The following DCDC1 variants were observed in gnomAD, a reference collection of about 807,000 sequenced individuals.
DCDC1 encodes doublecortin domain containing 1.
Under a neutral mutation model 178.3 loss-of-function variants are expected in DCDC1, and 200 were observed. That is an observed-to-expected ratio of 1.12 (90% CI 1.00 to 1.26). The LOEUF (loss-of-function observed/expected upper bound fraction) is 1.26. Ranked by LOEUF, DCDC1 falls within the 50% of genes most tolerant of loss-of-function variation. The probability of loss-of-function intolerance (pLI) is 0.00; values close to 1 mark genes in which losing one functional copy is unlikely to be tolerated. For missense variants in DCDC1, 1,983 were observed against 1,749.2 expected, an observed-to-expected ratio of 1.13 and a Z score of -2.38; for synonymous variants, 690 against 604.8, an observed-to-expected ratio of 1.14 and a Z score of -2.07.
In DCDC1 at chr11:31,342,002, T is replaced by C. The variant is rs1950577406; in HGVS notation, c.-124-6438A>G. ...AGGTGATGGATGCCAATGAGATCAG[T>C]AATGGTGATGTGGGTCAGCAAGAAG... On this transcript the variant is annotated intron_variant, in intron 1 of 38. Transcript: ENST00000684477. 2.6e-5 allele frequency among the ~76,000 whole-genome samples: 4 copies of C among 152,064 alleles called. No individual in the cohort carries two copies. In the South Asian group the frequency reaches 8.3e-4, roughly 31 times the overall value.
At chr11:30,891,702 T>C (rs1943792581) in intron 36 of DCDC1, among the ~76,000 whole-genome samples, 1 of 152,246 alleles carries the variant, frequency 6.6e-6, no homozygotes. Flanking sequence ...CTTTCCTTTT[T>C]TCCCTACATG....
intron 18 of DCDC1, among the ~76,000 whole-genome samples, chr11:31,071,111 T>C (rs1329911384): frequency 2.0e-5 from 3 of 152,208 alleles, no homozygotes; most frequent in Non-Finnish European, 4.4e-5. Flanking sequence ...TACATGTTTA[T>C]GTACAACGTA....
At chr11:31,158,558 C>T (rs925015798) in intron 9 of DCDC1, among the ~76,000 whole-genome samples, 1 of 152,174 alleles carries the variant, frequency 6.6e-6, no homozygotes, top group African/African-American at 2.4e-5. Flanking sequence ...GCAACCATCA[C>T]TCTACTCTCT....
intron 9 of DCDC1, among the ~76,000 whole-genome samples, chr11:31,182,633 C>T (rs1186935066): frequency 6.6e-6 from 1 of 152,100 alleles, no homozygotes; most frequent in African/African-American, 2.4e-5. Flanking sequence ...ACAGTACCAG[C>T]CACTGCAAAA....
intron 20 of DCDC1, among the ~76,000 whole-genome samples, chr11:31,028,079 T>C (rs1302410846): frequency 6.6e-6 from 1 of 151,902 alleles, no homozygotes; most frequent in East Asian, 1.9e-4. Flanking sequence ...AATGCAATGA[T>C]ATATAGTCTG....
chr11:31,244,500 T>C (rs923914389), intron 8 of DCDC1, among the ~76,000 whole-genome samples: 1 of 151,806 alleles, frequency 6.6e-6, no homozygotes, highest in Admixed American at 6.6e-5. Context: ...TATTGACTCA[T>C]TCAAGAAAGT....
intron 1 of DCDC1, among the ~76,000 whole-genome samples, chr11:31,357,219 C>T (rs936281820): frequency 6.6e-6 from 1 of 152,020 alleles, no homozygotes; most frequent in East Asian, 1.9e-4. Flanking sequence ...TCCAGCAGCA[C>T]ATCAAAAAGC....
intron 11 of DCDC1, among the ~76,000 whole-genome samples, chr11:31,126,485 G>C (rs1008391534): frequency 6.6e-6 from 1 of 152,012 alleles, no homozygotes; most frequent in Admixed American, 6.6e-5. Context: ...AAATACACAC[G>C]GGAATGTCAT....
chr11:31,082,456 T>C (rs1052963133), intron 17 of DCDC1, among the ~76,000 whole-genome samples: 5 of 152,126 alleles, frequency 3.3e-5, no homozygotes, highest in Admixed American at 3.3e-4. Flanking sequence ...CTGAGAATGA[T>C]CTGCCCTGGG....
chr11:31,123,170 G>A (rs1961060756), intron 11 of DCDC1, among the ~76,000 whole-genome samples: 1 of 151,926 alleles, frequency 6.6e-6, no homozygotes, highest in South Asian at 2.1e-4. Flanking sequence ...CTCATTTATA[G>A]TATTTGCCAA....
At chr11:31,192,747 T>C (rs879571813) in intron 9 of DCDC1, among the ~76,000 whole-genome samples, 3 of 152,094 alleles carry the variant, frequency 2.0e-5, no homozygotes, top group Admixed American at 6.6e-5. Flanking sequence ...TTAGTTTTTA[T>C]GTGTCCACTT....
chr11:31,044,175 A>G (rs1954664645), intron 20 of DCDC1, among the ~76,000 whole-genome samples: 1 of 152,276 alleles, frequency 6.6e-6, no homozygotes, highest in Admixed American at 6.5e-5. Flanking sequence ...GAAAAGTCAC[A>G]GAGATTTAAA....
chr11:31,211,596 G>A (rs921184587), intron 9 of DCDC1, among the ~76,000 whole-genome samples: 2 of 152,138 alleles, frequency 1.3e-5, no homozygotes, highest in South Asian at 4.2e-4. Flanking sequence ...TCTTTAATCG[G>A]AAAAAATCCA....
At chr11:31,341,033 T>C (rs547103946) in intron 1 of DCDC1, among the ~76,000 whole-genome samples, 108 of 152,244 alleles carry the variant, frequency 7.1e-4, no homozygotes, top group African/African-American at 2.6e-3. Context: ...GTAAGAGATG[T>C]CCAACATGAA....
At chr11:31,364,776 G>A (rs973389967) in intron 1 of DCDC1, among the ~76,000 whole-genome samples, 1 of 151,436 alleles carries the variant, frequency 6.6e-6, no homozygotes, top group African/African-American at 2.4e-5. Flanking sequence ...TCTAAAAGAT[G>A]AGCTAGGATT....
chr11:30,942,212 T>C (rs535252330), intron 21 of DCDC1, among the ~76,000 whole-genome samples: 1 of 152,294 alleles, frequency 6.6e-6, no homozygotes, highest in South Asian at 2.1e-4. Flanking sequence ...GACAACTTCA[T>C]TGTATATTTT....
intron 6 of DCDC1, among the ~76,000 whole-genome samples, chr11:31,292,024 C>T (rs573467677): frequency 6.6e-6 from 1 of 152,098 alleles, no homozygotes; most frequent in African/African-American, 2.4e-5. Context: ...TTCTTACCCC[C>T]CTTTCACTCT....
chr11:31,148,852 AGT>A (rs1964791812), intron 9 of DCDC1, among the ~76,000 whole-genome samples: 1 of 152,172 alleles, frequency 6.6e-6, no homozygotes, highest in Admixed American at 6.5e-5. Flanking sequence ...TCACCCAAGC[AGT>A]ATACACTGTG....
At chr11:30,969,431 C>T (rs1246240035) in intron 20 of DCDC1, among the ~76,000 whole-genome samples, 2 of 152,112 alleles carry the variant, frequency 1.3e-5, no homozygotes, top group Non-Finnish European at 2.9e-5. Flanking sequence ...TGTATTGTTC[C>T]CTATAACCTC....
Sources: allele counts gnomAD v4.1 joint callset (sites outside exome capture counted in the v4.1 genomes callset), GRCh38; gene constraint gnomAD v4.1.1; transcripts MANE v1.5; gene names NCBI Gene and HGNC (gene_info 2026-07-23, HGNC 2026-07-21).